NTRK3: variants seen among roughly 807,000 people sequenced by gnomAD.
NTRK3 encodes the protein neurotrophic receptor tyrosine kinase 3, also known as NT-3 growth factor receptor.
A neutral mutation model predicts 91.7 loss-of-function variants in NTRK3; 24 were observed. The ratio of observed to expected loss-of-function variants is 0.26; its 90% CI spans 0.19 to 0.37. The LOEUF (loss-of-function observed/expected upper bound fraction) is 0.37. Ranked by LOEUF, NTRK3 falls within the 10% of genes least tolerant of loss-of-function variation. The pLI is 1.00. For missense variants in NTRK3, 880 were observed against 1,068.9 expected, an observed-to-expected ratio of 0.82 and a Z score of 2.46; for synonymous variants, 483 against 404.0, an observed-to-expected ratio of 1.20 and a Z score of -2.34.
chr15:88,019,496 T>C (rs964880286), intron 14 of NTRK3, among the ~76,000 whole-genome samples: 2 of 152,222 alleles, frequency 1.3e-5, no homozygotes, highest in African/African-American at 2.4e-5. Flanking sequence ...TTAAAGTGCT[T>C]GGGGGTAATT....
At chr15:87,951,539 G>T (rs1417108867) in intron 14 of NTRK3, among the ~76,000 whole-genome samples, 2 of 152,192 alleles carry the variant, frequency 1.3e-5, no homozygotes, top group Admixed American at 1.3e-4. Flanking sequence ...GCCTGAAGAA[G>T]TCTGCTTACC....
At chr15:87,966,151 C>T (rs1238735062) in intron 14 of NTRK3, among the ~76,000 whole-genome samples, 1 of 152,156 alleles carries the variant, frequency 6.6e-6, no homozygotes, top group Non-Finnish European at 1.5e-5. Flanking sequence ...TCTATGTTTA[C>T]CTCTCCCATA....
intron 13 of NTRK3, among the ~76,000 whole-genome samples, chr15:88,058,057 A>T (rs576526474): frequency 6.6e-6 from 1 of 152,310 alleles, no homozygotes; most frequent in African/African-American, 2.4e-5. Context: ...TCTGGGTGAG[A>T]TCTCACTGGC....
chr15:88,092,645 G>A (rs1245864035), intron 13 of NTRK3, among the ~76,000 whole-genome samples: 1 of 152,202 alleles, frequency 6.6e-6, no homozygotes, highest in Non-Finnish European at 1.5e-5. Context: ...GCACAAGGTT[G>A]GCAATCAGTA....
exon 19 of NTRK3, chr15:87,873,609 C>T (rs1312854482): frequency 1.3e-5 from 3 of 231,788 alleles, no homozygotes; most frequent in Non-Finnish European, 1.7e-5. Flanking sequence ...AAAAGGTGGA[C>T]TTTGGTATGG....
chr15:88,168,807 G>A (rs2045241835), intron 5 of NTRK3, among the ~76,000 whole-genome samples: 1 of 152,222 alleles, frequency 6.6e-6, no homozygotes, highest in Non-Finnish European at 1.5e-5. Flanking sequence ...CACCAGCACA[G>A]TATGGACTCA....
At chr15:87,989,176 T>C (rs2075089033) in intron 14 of NTRK3, among the ~76,000 whole-genome samples, 1 of 152,196 alleles carries the variant, frequency 6.6e-6, no homozygotes, top group Non-Finnish European at 1.5e-5. Context: ...GGATTATAAA[T>C]CATGCTGCTA....
chr15:87,978,959 T>A (rs1596496355), intron 14 of NTRK3: 1 of 347,800 alleles, frequency 2.9e-6, no homozygotes, highest in East Asian at 4.7e-5. Context: ...AAAGTGAGGC[T>A]GGAGCACGGC....
At chr15:87,974,075 C>G (rs1354731972) in intron 14 of NTRK3, among the ~76,000 whole-genome samples, 4 of 152,188 alleles carry the variant, frequency 2.6e-5, no homozygotes, top group Non-Finnish European at 5.9e-5. Flanking sequence ...GCTGCCTCAC[C>G]ATTGTATCTG....
At chr15:88,009,796 T>C (rs1334717007) in intron 14 of NTRK3, among the ~76,000 whole-genome samples, 1 of 152,162 alleles carries the variant, frequency 6.6e-6, no homozygotes, top group African/African-American at 2.4e-5. Flanking sequence ...ACAGGTAGCC[T>C]CTACCCTTCT....
exon 19 of NTRK3, chr15:87,871,854 C>T (rs1465770545): frequency 4.5e-6 from 1 of 222,370 alleles, no homozygotes; most frequent in Non-Finnish European, 9.0e-6. Flanking sequence ...AGAAGACACT[C>T]CCAGTATTAT....
intron 5 of NTRK3, among the ~76,000 whole-genome samples, chr15:88,170,072 T>C (rs1460198482): frequency 6.6e-6 from 1 of 152,106 alleles, no homozygotes; most frequent in African/African-American, 2.4e-5. Context: ...TAAGAGAATT[T>C]GCATGAATTC....
chr15:88,095,122 T>G (rs189429598), intron 13 of NTRK3, among the ~76,000 whole-genome samples: 1 of 152,216 alleles, frequency 6.6e-6, no homozygotes, highest in Non-Finnish European at 1.5e-5. Context: ...ATTCAATCAC[T>G]GCAAGAAGGA....
chr15:87,941,263 C>T (rs534677263), intron 14 of NTRK3, among the ~76,000 whole-genome samples: 98 of 152,300 alleles, frequency 6.4e-4, no homozygotes, highest in African/African-American at 1.9e-3. Context: ...CCTGGGTCCA[C>T]GCCATTACTA....
chr15:87,899,029 T>C (rs146701824), intron 17 of NTRK3, among the ~76,000 whole-genome samples: 4 of 152,252 alleles, frequency 2.6e-5, no homozygotes, highest in African/African-American at 9.6e-5. Flanking sequence ...ATTGCAACTG[T>C]TACTTACTAA....
chr15:88,063,514 A>T (rs1168779468), intron 13 of NTRK3, among the ~76,000 whole-genome samples: 3 of 152,194 alleles, frequency 2.0e-5, no homozygotes, highest in Non-Finnish European at 2.9e-5. Context: ...CTCTGCTGTG[A>T]TCGCAGAGCC....
chr15:88,124,746 A>ATGTGTAGG (rs1483623644), intron 13 of NTRK3, among the ~76,000 whole-genome samples: 18 of 152,196 alleles, frequency 1.2e-4, no homozygotes, highest in African/African-American at 4.3e-4. Context: ...TGCAGATAAG[A>ATGTGTAGG]CATCTCCAAT....
chr15:87,904,052 G>A (rs1307567307), intron 17 of NTRK3, among the ~76,000 whole-genome samples: 4 of 152,058 alleles, frequency 2.6e-5, no homozygotes, highest in Non-Finnish European at 5.9e-5. Context: ...AGGTTCCTTA[G>A]AAATACTAAG....
At chr15:87,983,442 C>T (rs1276071652) in intron 14 of NTRK3, among the ~76,000 whole-genome samples, 1 of 152,150 alleles carries the variant, frequency 6.6e-6, no homozygotes, top group Non-Finnish European at 1.5e-5. Flanking sequence ...GAGCAATACC[C>T]AACTATGCCA....
Sources: allele counts gnomAD v4.1 joint callset (sites outside exome capture counted in the v4.1 genomes callset), GRCh38; gene constraint gnomAD v4.1.1; transcripts MANE v1.5; gene names NCBI Gene and HGNC (gene_info 2026-07-23, HGNC 2026-07-21).